GABRG1: variants seen among roughly 807,000 people sequenced by gnomAD.
The protein encoded by GABRG1 is gamma-aminobutyric acid receptor subunit gamma-1.
A neutral mutation model predicts 49.8 loss-of-function variants in GABRG1; 49 were observed. The observed-to-expected ratio is 0.98, with a 90% CI of 0.78 to 1.25. GABRG1 has a LOEUF of 1.25. Ranked by LOEUF, GABRG1 falls within the 50% of genes most tolerant of loss-of-function variation. The pLI is 0.00. For missense variants in GABRG1, 552 were observed against 552.3 expected (o/e 1.00, Z 0.01); for synonymous variants, 232 against 185.1 (o/e 1.25, Z -2.06).
intron 3 of GABRG1, among the ~76,000 whole-genome samples, chr4:46,080,023 C>T (rs1378164670): frequency 1.3e-5 from 2 of 151,650 alleles, no homozygotes; most frequent in Non-Finnish European, 2.9e-5. Flanking sequence ...CTATTTTTCC[C>T]CAGTCTTCAT....
intron 5 of GABRG1, among the ~76,000 whole-genome samples, chr4:46,061,192 T>C (rs1226968990): frequency 3.9e-5 from 6 of 152,164 alleles, no homozygotes; most frequent in Admixed American, 1.3e-4. Flanking sequence ...CTTGAGTTCC[T>C]TGAATTCTAT....
In GABRG1 at chr4:46,123,929, A is replaced by C. The variant is rs377295328; in HGVS notation, c.-16T>G. On this transcript the variant is annotated 5_prime_UTR_variant, in exon 1 of 9. Transcript: ENST00000295452. ...AAGGACCCATCGGAATCGCTTTTTTACGTGTGCTGCACTAGCTCAATTCTC... is the reference window on the plus strand; with the variant it reads ...AAGGACCCATCGGAATCGCTTTTTTCCGTGTGCTGCACTAGCTCAATTCTC... 1 of 1,589,486 alleles carries C rather than the reference A, an allele frequency of 6.3e-7. No individual in the cohort carries two copies. Among genetic ancestry groups the C allele is most frequent in the South Asian group, 1.1e-5 (1 of 90,484 alleles).
intron 4 of GABRG1, 42 bp downstream of exon 4, chr4:46,065,321 GA>G: frequency 7.6e-7 from 1 of 1,322,442 alleles, no homozygotes; most frequent in Non-Finnish European, 1.1e-6. Flanking sequence ...TATTAGTATG[GA>G]AAATAAATGA....
intron 2 of GABRG1, among the ~76,000 whole-genome samples, chr4:46,093,225 C>G (rs1018486098): frequency 6.6e-6 from 1 of 151,796 alleles, no homozygotes; most frequent in African/African-American, 2.4e-5. Flanking sequence ...GTGTAACCAT[C>G]GCAAAGAAAA....
chr4:46,113,507 C>CA (rs965239817), intron 1 of GABRG1, among the ~76,000 whole-genome samples: 10 of 150,656 alleles, frequency 6.6e-5, no homozygotes, highest in Non-Finnish European at 1.5e-4. Flanking sequence ...TGAGATTTGG[C>CA]GGGGGGGACA....
At chr4:46,080,618 A>G (rs184479281) in intron 3 of GABRG1, among the ~76,000 whole-genome samples, 158 of 151,834 alleles carry the variant, frequency 1.0e-3, no homozygotes, top group African/African-American at 3.6e-3. Flanking sequence ...TTAATCTTTT[A>G]TATAGGAAGA....
Position 46,097,262 on chromosome 4 carries a change from G to A in GABRG1, c.192C>T (p.Ile64=). The change falls in exon 2 of 9, where the codon ATC becomes ATT. Residue 64 remains isoleucine (I), a synonymous_variant. Coordinates refer to ENST00000295452, the MANE Select transcript of GABRG1 (RefSeq NM_173536.4). ...GAAGCAATGAATTCAGAATTTGTGT[G>A]ATATCTCCTTCATGAATTTTTGGGG... is the stretch of plus-strand genomic sequence containing the variant. ...VLAPKIHEGD[I]TQILNSLLQG... is the part of the protein sequence containing the mutation. 2.5e-6 allele frequency: 4 copies of A among 1,611,056 alleles called. No homozygotes were observed. Among genetic ancestry groups the A allele is most frequent in the Non-Finnish European group, 3.4e-6 (4 of 1,178,110 alleles).
intron 1 of GABRG1, among the ~76,000 whole-genome samples, chr4:46,105,973 C>T (rs1237641865): frequency 1.3e-5 from 2 of 151,384 alleles, no homozygotes; most frequent in Non-Finnish European, 3.0e-5. Context: ...CTCCAGGTTC[C>T]AGTAGCTCTT....
chr4:46,041,164 C>G lies in GABRG1; in HGVS notation c.1222G>C (p.Glu408Gln). 6.2e-7 allele frequency: 1 copy of G among 1,613,036 alleles called. No individual in the cohort carries two copies. The highest frequency in any genetic ancestry group is 8.5e-7 in the Non-Finnish European group (1 of 1,179,346). ...AAGAAGCTGGCACAATCTTTGCCCT[C>G]CAAACACTGATACCCATAATCATCT... ...QEDDYGYQCL[E>Q]GKDCASFFCC... Residue 408 changes from glutamate to glutamine, a missense_variant, in exon 9 of 9, where the codon GAG (glutamate) becomes CAG (glutamine). Glu to Gln is a conservative substitution (Grantham distance 29, BLOSUM62 2). Transcript: ENST00000295452.
chr4:46,046,797 C>A (rs765774342), intron 8 of GABRG1, among the ~76,000 whole-genome samples: 1 of 152,030 alleles, frequency 6.6e-6, no homozygotes, highest in African/African-American at 2.4e-5. Flanking sequence ...TATCTCCCTG[C>A]CTCTTTTGCC....
intron 1 of GABRG1, among the ~76,000 whole-genome samples, chr4:46,117,527 C>T (rs1390827479): frequency 6.8e-6 from 1 of 147,386 alleles, no homozygotes; most frequent in Non-Finnish European, 1.5e-5. Context: ...CTACCTTTGG[C>T]ACAAGATGGT....
At position 46,071,900 on chromosome 4, in the gene GABRG1, A is replaced by G. The variant is rs540632218; in HGVS notation, c.322-6316T>C. Among the ~76,000 whole-genome samples the G allele has an allele frequency of 8.5e-5, 13 of 152,126 alleles. No individual in the cohort carries two copies. The East Asian group carries it at 1.9e-3, about 23-fold the overall frequency. On this transcript the variant is annotated intron_variant, in intron 3 of 8. Transcript: ENST00000295452. ...TTTGTTATTGAAGAAAGAAATTAAA[A>G]AATTAATTTAGTGTATTCTAAGTGC...
rs1720291988 is a variant in GABRG1, at chr4:46,099,108, G to A, written c.105-1759C>T. On this transcript the variant is annotated intron_variant, in intron 1 of 8. Coordinates refer to ENST00000295452, the MANE Select transcript of GABRG1 (RefSeq NM_173536.4). ...TTAATAACAGTGTATTATTAACAAT[G>A]TTTCTCCTCTTCTTGTGAAATAATT... Among the ~76,000 whole-genome samples, 3 of 151,448 alleles carry A rather than the reference G, an allele frequency of 2.0e-5. No individual in the cohort carries two copies. The Admixed American group carries it at 2.0e-4, about 10-fold the overall frequency.
At chr4:46,086,291 T>G (rs1296534035) in intron 2 of GABRG1, among the ~76,000 whole-genome samples, 1 of 151,630 alleles carries the variant, frequency 6.6e-6, no homozygotes, top group Non-Finnish European at 1.5e-5. Context: ...AGCTGTGTGA[T>G]CAATAAAGTT....
At chr4:46,058,828 T>C (rs1718558243) in intron 5 of GABRG1, among the ~76,000 whole-genome samples, 1 of 152,052 alleles carries the variant, frequency 6.6e-6, no homozygotes, top group South Asian at 2.1e-4. Context: ...ACCCATGTAA[T>C]CTACTTAAGA....
At chr4:46,077,252 T>C (rs1719384944) in intron 3 of GABRG1, among the ~76,000 whole-genome samples, 2 of 151,814 alleles carry the variant, frequency 1.3e-5, no homozygotes, top group African/African-American at 4.8e-5. Context: ...TATACATATG[T>C]AACAAACCTG....
At chr4:46,114,079 T>C (rs1353489104) in intron 1 of GABRG1, among the ~76,000 whole-genome samples, 1 of 151,090 alleles carries the variant, frequency 6.6e-6, no homozygotes, top group African/African-American at 2.4e-5. Flanking sequence ...TGCCTTCATG[T>C]TTGAGCTACT....
chr4:46,056,400 C>G (rs1718451635), intron 7 of GABRG1, among the ~76,000 whole-genome samples: 1 of 151,912 alleles, frequency 6.6e-6, no homozygotes, highest in African/African-American at 2.4e-5. Flanking sequence ...ATCTTTCTGC[C>G]CAATATCCAC....
rs146916422 is a variant in GABRG1, at chr4:46,123,914, C to G, written c.-1G>C. On this transcript the variant is annotated 5_prime_UTR_variant, in exon 1 of 9. Transcript: ENST00000295452. The stretch of plus-strand genomic sequence containing the variant: ...AGAGAAAAGCTTTCAAAGGACCCAT[C>G]GGAATCGCTTTTTTACGTGTGCTGC... The G allele has an allele frequency of 6.2e-7, 1 of 1,612,622 alleles. No individual in the cohort carries two copies. Among genetic ancestry groups the G allele is most frequent in the Non-Finnish European group, 8.5e-7 (1 of 1,178,940 alleles).
Sources: gnomAD v4.1 joint callset for allele counts (sites outside exome capture counted in the v4.1 genomes callset) on GRCh38, gnomAD v4.1.1 for gene constraint, MANE v1.5 for transcripts, NCBI Gene and HGNC (gene_info 2026-07-23, HGNC 2026-07-21) for gene names.